The following ARFIP1 variants were observed in gnomAD, a reference collection of about 807,000 sequenced individuals.
ARFIP1 encodes the protein arfaptin-1.
ARFIP1 carries 24 observed loss-of-function variants against 42.5 expected under a neutral mutation model. That is an observed-to-expected ratio of 0.57 (90% CI 0.41 to 0.80). The LOEUF (loss-of-function observed/expected upper bound fraction) is 0.80, where lower values mean the gene tolerates loss of function less well. ARFIP1 is among the 30% of genes least tolerant of loss of function. ARFIP1 has a pLI of 0.00. For missense variants in ARFIP1, 354 were observed against 434.0 expected, an observed-to-expected ratio of 0.82 and a Z score of 1.64; for synonymous variants, 141 against 153.7, an observed-to-expected ratio of 0.92 and a Z score of 0.61.
Position 152,888,181 on chromosome 4 carries a change from A to G in ARFIP1, c.840A>G (p.Gly280=). The change falls in exon 8 of 9, where the codon GGA becomes GGG. Residue 280 remains glycine, a synonymous_variant. Transcript: ENST00000353617. The stretch of plus-strand genomic sequence containing the variant: ...CTGATTTGGAAGAACTGAATCTTGG[A>G]CCACGTGACGCAAACACTCTGCCAA... ...YRTDLEELNL[G]PRDANTLPKI... The G allele has an allele frequency of 1.2e-6, 2 of 1,612,066 alleles. No individual in the cohort carries two copies. The highest frequency in any genetic ancestry group is 1.7e-6 in the Non-Finnish European group (2 of 1,179,044).
chr4:152,896,025 G>A (rs1295349787), intron 8 of ARFIP1, among the ~76,000 whole-genome samples: 1 of 152,118 alleles, frequency 6.6e-6, no homozygotes, highest in Non-Finnish European at 1.5e-5. Flanking sequence ...GAAATGTCAT[G>A]TGTGTATACA....
chr4:152,829,409 T>C (rs1418471465), intron 1 of ARFIP1, among the ~76,000 whole-genome samples: 2 of 152,198 alleles, frequency 1.3e-5, no homozygotes, highest in Admixed American at 6.5e-5. Flanking sequence ...ACAACAAATA[T>C]GTAACTCATT....
Position 152,881,011 on chromosome 4 carries a change from G to C in ARFIP1, c.460G>C (p.Val154Leu). 1.9e-6 allele frequency: 3 copies of C among 1,613,858 alleles called. 1 individual carries two copies. The South Asian group carries it at 3.3e-5, about 18-fold the overall frequency. Residue 154 changes from valine (V) to leucine (L), a missense_variant, in exon 6 of 9, where the codon GTG becomes CTG. Transcript: ENST00000353617. Reference sequence around the variant, plus strand: ...GAAGCTAGGCCGTGGCTCAAGAACTGTGGACCTTGAACTTGAAGCTCAGAT... The same window carrying C: ...GAAGCTAGGCCGTGGCTCAAGAACTCTGGACCTTGAACTTGAAGCTCAGAT... ...SEKLGRGSRT[V>L]DLELEAQIDI...
intron 8 of ARFIP1, among the ~76,000 whole-genome samples, chr4:152,895,071 C>T (rs1354810360): frequency 6.6e-6 from 1 of 152,180 alleles, no homozygotes; most frequent in Non-Finnish European, 1.5e-5. Flanking sequence ...GACTATGTAG[C>T]CCTGATAGGC....
intron 2 of ARFIP1, among the ~76,000 whole-genome samples, chr4:152,854,127 C>G (rs1578938746): frequency 6.6e-6 from 1 of 151,582 alleles, no homozygotes. Flanking sequence ...TGGCCAGGCT[C>G]GTCTCAAACT....
intron 1 of ARFIP1, among the ~76,000 whole-genome samples, chr4:152,808,138 G>A (rs562233835): frequency 8.6e-4 from 131 of 151,972 alleles, no homozygotes; most frequent in African/African-American, 3.1e-3. Flanking sequence ...GCGCCACCAC[G>A]CCTGGCTATT....
intron 1 of ARFIP1, among the ~76,000 whole-genome samples, chr4:152,807,627 C>G (rs2149829611): frequency 6.6e-6 from 1 of 151,750 alleles, no homozygotes; most frequent in Non-Finnish European, 1.5e-5. Context: ...TATTGAATTG[C>G]AAGAGTTATT....
chr4:152,862,531 G>A (rs1006628977), intron 2 of ARFIP1, among the ~76,000 whole-genome samples: 2 of 151,252 alleles, frequency 1.3e-5, no homozygotes, highest in Non-Finnish European at 2.9e-5. Flanking sequence ...AGTACATCAA[G>A]AAAAGGTGTA....
At chr4:152,842,329 T>TG (rs1360076805) in intron 2 of ARFIP1, among the ~76,000 whole-genome samples, 3 of 131,378 alleles carry the variant, frequency 2.3e-5, no homozygotes, top group Non-Finnish European at 4.9e-5. Flanking sequence ...ATCTTGCAAC[T>TG]GAAAAAAAAA....
At chr4:152,859,150 C>T (rs1021271569) in intron 2 of ARFIP1, among the ~76,000 whole-genome samples, 14 of 152,198 alleles carry the variant, frequency 9.2e-5, no homozygotes, top group African/African-American at 1.4e-4. Flanking sequence ...CAGCCTCCGT[C>T]GCCTGGGCTC....
At chr4:152,843,925 T>G (rs1268196029) in intron 2 of ARFIP1, among the ~76,000 whole-genome samples, 3 of 152,190 alleles carry the variant, frequency 2.0e-5, no homozygotes, top group Non-Finnish European at 4.4e-5. Flanking sequence ...CCCTGACTTG[T>G]GGCCAGGAGG....
At chr4:152,845,152 A>G (rs565449170) in intron 2 of ARFIP1, among the ~76,000 whole-genome samples, 1 of 152,304 alleles carries the variant, frequency 6.6e-6, no homozygotes, top group East Asian at 1.9e-4. Context: ...TAAATGGATA[A>G]TCATGTGCAG....
chr4:152,815,190 T>A (rs74994365), intron 1 of ARFIP1, among the ~76,000 whole-genome samples: 14 of 152,202 alleles, frequency 9.2e-5, no homozygotes, highest in African/African-American at 3.4e-4. Context: ...TCTTTTTTTT[T>A]AATCTCTACA....
At chr4:152,800,181 A>T (rs968812896) in intron 1 of ARFIP1, among the ~76,000 whole-genome samples, 20 of 152,188 alleles carry the variant, frequency 1.3e-4, no homozygotes, top group African/African-American at 4.1e-4. Flanking sequence ...ATATTTTATG[A>T]CTTTAAAATT....
At chr4:152,906,570 G>A (rs1738376014) in intron 8 of ARFIP1, among the ~76,000 whole-genome samples, 1 of 152,134 alleles carries the variant, frequency 6.6e-6, no homozygotes, top group Admixed American at 6.6e-5. Flanking sequence ...TGTAGTCCAA[G>A]CCACCATTAC....
At chr4:152,807,422 C>A (rs748532731) in intron 1 of ARFIP1, among the ~76,000 whole-genome samples, 4 of 152,158 alleles carry the variant, frequency 2.6e-5, no homozygotes, top group Non-Finnish European at 5.9e-5. Flanking sequence ...CCTTCACTCA[C>A]ATTTGGTATT....
intron 3 of ARFIP1, among the ~76,000 whole-genome samples, chr4:152,864,477 C>G (rs1268627027): frequency 6.6e-6 from 1 of 152,200 alleles, no homozygotes; most frequent in South Asian, 2.1e-4. Context: ...GCATAAGCTT[C>G]CAAGAGTCTT....
chr4:152,846,474 G>C (rs1732546081), intron 2 of ARFIP1, among the ~76,000 whole-genome samples: 1 of 152,184 alleles, frequency 6.6e-6, no homozygotes. Context: ...TAACCCGTGA[G>C]TGAAAACAGT....
chr4:152,827,981 T>C (rs561904686), intron 1 of ARFIP1, among the ~76,000 whole-genome samples: 1 of 152,226 alleles, frequency 6.6e-6, no homozygotes, highest in Non-Finnish European at 1.5e-5. Flanking sequence ...GCCTAGGTTC[T>C]TTCATTTAGT....
Sources: allele counts gnomAD v4.1 joint callset (sites outside exome capture counted in the v4.1 genomes callset), GRCh38; gene constraint gnomAD v4.1.1; transcripts MANE v1.5; gene names NCBI Gene and HGNC (gene_info 2026-07-23, HGNC 2026-07-21).